ATF1: variants seen among roughly 807,000 people sequenced by gnomAD.
The protein encoded by ATF1 is cyclic AMP-dependent transcription factor ATF-1.
ATF1 carries 16 observed loss-of-function variants against 34.7 expected under a neutral mutation model. The observed-to-expected ratio is 0.46, with a 90% CI of 0.31 to 0.70. ATF1 has a LOEUF of 0.70. Ranked by LOEUF, ATF1 falls within the 30% of genes least tolerant of loss-of-function variation. The probability of loss-of-function intolerance (pLI) is 0.05; values close to 1 mark genes in which losing one functional copy is unlikely to be tolerated. For missense variants in ATF1, 255 were observed against 321.6 expected, an observed-to-expected ratio of 0.79 and a Z score of 1.58; for synonymous variants, 105 against 113.1, an observed-to-expected ratio of 0.93 and a Z score of 0.46.
At chr12:50,798,092 T>C (rs1017167359) in intron 3 of ATF1, among the ~76,000 whole-genome samples, 15 of 151,216 alleles carry the variant, frequency 9.9e-5, no homozygotes, top group African/African-American at 3.6e-4. Context: ...GAGGCTGCAG[T>C]GAGCTGAGAT....
At chr12:50,804,776 C>T (rs1941581655) in intron 3 of ATF1, among the ~76,000 whole-genome samples, 1 of 152,024 alleles carries the variant, frequency 6.6e-6, no homozygotes, top group Non-Finnish European at 1.5e-5. Context: ...TATAGAAGAA[C>T]CTAATGCCAG....
At position 50,808,323 on chromosome 12, in the gene ATF1, T is replaced by G. The variant is rs12318098; in HGVS notation, c.195-1133T>G. ...TTTGGAGAACTGTTTTATTGTTTTT[T>G]TTTGTTTGTTTTTGTTTCTTTTGAG... On this transcript the variant is annotated intron_variant, in intron 3 of 6. Transcript: ENST00000262053. Among the ~76,000 whole-genome samples the G allele has an allele frequency of 4.6e-3, 698 of 152,164 alleles. 4 individuals carry two copies. Among genetic ancestry groups the G allele is most frequent in the African/African-American group, 0.016 (654 of 41,494 alleles).
At chr12:50,795,385 A>G (rs1181635395) in intron 2 of ATF1, among the ~76,000 whole-genome samples, 2 of 152,026 alleles carry the variant, frequency 1.3e-5, no homozygotes, top group African/African-American at 2.4e-5. Context: ...ATTTACCCCT[A>G]TGAGCTCATC....
At chr12:50,767,958 C>T (rs568615003) in intron 1 of ATF1, among the ~76,000 whole-genome samples, 111 of 151,836 alleles carry the variant, frequency 7.3e-4, no homozygotes, top group Non-Finnish European at 7.9e-4. Flanking sequence ...CTGCAACCTC[C>T]GCCTCCCGAG....
chr12:50,784,047 C>T (rs1004181275), intron 2 of ATF1, among the ~76,000 whole-genome samples: 1 of 151,632 alleles, frequency 6.6e-6, no homozygotes, highest in Non-Finnish European at 1.5e-5. Context: ...TCTGCAGTCC[C>T]AACTACTCAG....
chr12:50,810,832 G>A (rs1941721818), intron 4 of ATF1, among the ~76,000 whole-genome samples: 1 of 152,072 alleles, frequency 6.6e-6, no homozygotes, highest in Non-Finnish European at 1.5e-5. Context: ...GCATCCAGTT[G>A]GTCATCTTGC....
intron 3 of ATF1, among the ~76,000 whole-genome samples, chr12:50,803,281 G>A (rs1941551100): frequency 6.9e-6 from 1 of 145,358 alleles, no homozygotes; most frequent in Non-Finnish European, 1.5e-5. Context: ...AAAAAAAAAA[G>A]CAAGGGATTT....
At chr12:50,765,411 TG>T (rs1175357579) in intron 1 of ATF1, among the ~76,000 whole-genome samples, 5 of 152,244 alleles carry the variant, frequency 3.3e-5, no homozygotes, top group Non-Finnish European at 7.3e-5. Context: ...GGGTTAGGTT[TG>T]GTCTGTGAGC....
intron 3 of ATF1, among the ~76,000 whole-genome samples, chr12:50,803,256 G>A (rs1315485450): frequency 7.0e-6 from 1 of 142,404 alleles, no homozygotes; most frequent in Admixed American, 7.0e-5. Context: ...TGACAAGAGC[G>A]AAACTCTGTC....
chr12:50,812,704 G>A (rs1941761628), intron 4 of ATF1, among the ~76,000 whole-genome samples: 1 of 152,152 alleles, frequency 6.6e-6, no homozygotes, highest in East Asian at 1.9e-4. Flanking sequence ...TGCATCTATA[G>A]TTCCAGCTAC....
At chr12:50,797,061 G>A (rs1016117098) in intron 3 of ATF1, among the ~76,000 whole-genome samples, 1 of 152,068 alleles carries the variant, frequency 6.6e-6, no homozygotes, top group African/African-American at 2.4e-5. Context: ...AGAACCTGAG[G>A]ATACAGCTCT....
chr12:50,785,278 T>TATAC lies in ATF1; in HGVS notation c.93+5046_93+5049dup, dbSNP rs1368960504. Among the ~76,000 whole-genome samples, 21 of 115,192 alleles carry TATAC rather than the reference T, an allele frequency of 1.8e-4. No individual in the cohort carries two copies. The South Asian group carries it at 6.1e-3, about 34-fold the overall frequency. The allele number at this position is 115,192 out of a possible 152,430, so 75.6% of individuals were successfully genotyped here. A position where few individuals can be genotyped will look rare whatever the true frequency, so the allele number is the denominator to read the frequency against. ...CCCATCTCAAAAAAAAAATTATATA[T>TATAC]ATACATACACACACACACACACACA... On this transcript the variant is annotated intron_variant, in intron 2 of 6. Coordinates refer to ENST00000262053, the MANE Select transcript of ATF1 (RefSeq NM_005171.5).
intron 6 of ATF1, 68 bp downstream of exon 6, chr12:50,814,507 T>A (rs928161390): frequency 1.5e-5 from 22 of 1,480,406 alleles, no homozygotes; most frequent in Non-Finnish European, 2.0e-5. Flanking sequence ...AACCAGATGT[T>A]AACTGGAACT....
rs1247531143 is a variant in ATF1, at chr12:50,809,543, T to G, written c.282T>G (p.Ser94=). The change falls in exon 4 of 7, where the codon TCT becomes TCG. Residue 94 remains serine (S), a synonymous_variant. Coordinates refer to ENST00000262053, the MANE Select transcript of ATF1 (RefSeq NM_005171.5). ...ENSGVSAAVT[S]MSVPTPIYQT... ...CTGGAGTTTCTGCTGCTGTCACTTC[T>G]ATGTCTGTTCCAACTCCCATCTATC... The G allele has an allele frequency of 1.2e-6, 2 of 1,613,766 alleles. No homozygotes were observed. The highest frequency in any genetic ancestry group is 1.7e-6 in the Non-Finnish European group (2 of 1,179,790).
chr12:50,796,528 C>G (rs1007269416), intron 3 of ATF1, among the ~76,000 whole-genome samples: 3 of 152,016 alleles, frequency 2.0e-5, no homozygotes, highest in African/African-American at 7.2e-5. Flanking sequence ...TGGTGAAACC[C>G]CGTCTCTAAT....
At chr12:50,801,881 A>C (rs1289514731) in intron 3 of ATF1, among the ~76,000 whole-genome samples, 1 of 151,878 alleles carries the variant, frequency 6.6e-6, no homozygotes, top group Non-Finnish European at 1.5e-5. Flanking sequence ...TAATGTGGAT[A>C]TCCCCTCTCA....
chr12:50,769,124 T>C (rs1235028677), intron 1 of ATF1, among the ~76,000 whole-genome samples: 3 of 152,164 alleles, frequency 2.0e-5, no homozygotes, highest in Admixed American at 2.0e-4. Flanking sequence ...ATGTAAGGTG[T>C]GTAGTAAGGA....
Position 50,764,127 on chromosome 12 carries a change from C to G in ATF1, c.-187C>G, listed in dbSNP as rs1408051393. 6.7e-6 allele frequency: 1 copy of G among 149,906 alleles called. No homozygotes were observed. The highest frequency in any genetic ancestry group is 2.5e-5 in the African/African-American group (1 of 40,684). 9.3% of individuals were successfully genotyped at this position (149,906 alleles called of 1,614,324 possible). On this transcript the variant is annotated 5_prime_UTR_variant, in exon 1 of 7. Coordinates refer to ENST00000262053, the MANE Select transcript of ATF1 (RefSeq NM_005171.5). ...GTAGCGGCCCTGACTGCCGAGGAAA[C>G]GGTAGCTTAGGACAGTTGGCTGTTA...
Position 50,794,978 on chromosome 12 carries a change from G to A in ATF1, c.94-931G>A, listed in dbSNP as rs538174049. ...TTGAAAACAACTTGTTTTCTCAATT[G>A]TAAAATATTGCTATAACTTGCATAT... On this transcript the variant is annotated intron_variant, in intron 2 of 6. Coordinates refer to ENST00000262053, the MANE Select transcript of ATF1 (RefSeq NM_005171.5). 9.2e-5 allele frequency among the ~76,000 whole-genome samples: 14 copies of A among 152,222 alleles called. No individual in the cohort carries two copies. In the South Asian group the frequency reaches 2.9e-3, roughly 32 times the overall value.
Sources: allele counts gnomAD v4.1 joint callset (sites outside exome capture counted in the v4.1 genomes callset), GRCh38; gene constraint gnomAD v4.1.1; transcripts MANE v1.5; gene names NCBI Gene and HGNC (gene_info 2026-07-23, HGNC 2026-07-21).